The following KCNT2 variants were observed in gnomAD, a reference collection of about 807,000 sequenced individuals.
KCNT2 encodes potassium channel subfamily T member 2.
KCNT2 carries 67 observed loss-of-function variants against 153.8 expected under a neutral mutation model. That is an observed-to-expected ratio of 0.44 (90% CI 0.36 to 0.53). KCNT2 has a LOEUF of 0.53. Ranked by LOEUF, KCNT2 falls within the 20% of genes least tolerant of loss-of-function variation. The pLI is 0.00. For synonymous variants in KCNT2, 500 were observed against 458.8 expected (o/e 1.09, Z -1.15); for missense variants, 975 against 1,354.8 (o/e 0.72, Z 4.40).
chr1:196,332,879 C>G (rs1344844269), intron 17 of KCNT2, among the ~76,000 whole-genome samples: 3 of 150,838 alleles, frequency 2.0e-5, no homozygotes, highest in African/African-American at 7.3e-5. Context: ...CCACCTCCTG[C>G]GTTCAAGTGA....
intron 20 of KCNT2, 152 bp downstream of exon 20, chr1:196,319,332 T>A (rs1663049416): frequency 2.3e-6 from 1 of 442,786 alleles, no homozygotes; most frequent in African/African-American, 2.0e-5. Flanking sequence ...ATACAAGATG[T>A]ATAACACGAG....
intron 1 of KCNT2, among the ~76,000 whole-genome samples, chr1:196,513,289 T>C (rs1681785617): frequency 6.6e-6 from 1 of 152,168 alleles, no homozygotes; most frequent in Non-Finnish European, 1.5e-5. Flanking sequence ...TACTCTGCAG[T>C]GGTTACTTCT....
chr1:196,228,068 T>G lies in KCNT2; in HGVS notation c.*156A>C. The G allele has an allele frequency of 1.8e-6, 1 of 551,992 alleles. No homozygotes were observed. Among genetic ancestry groups the G allele is most frequent in the Non-Finnish European group, 3.2e-6 (1 of 310,664 alleles). The allele number at this position is 551,992 out of a possible 1,614,324, so 34.2% of individuals were successfully genotyped here. On this transcript the variant is annotated 3_prime_UTR_variant, in exon 28 of 28. Coordinates refer to ENST00000294725, the MANE Select transcript of KCNT2 (RefSeq NM_198503.5). Reference sequence around the variant, plus strand: ...GGGAGAGTACCAGTAAGTAGTACATTAAGTTTCAAAATGATCTATACTTCT... The same window carrying G: ...GGGAGAGTACCAGTAAGTAGTACATGAAGTTTCAAAATGATCTATACTTCT...
intron 1 of KCNT2, among the ~76,000 whole-genome samples, chr1:196,554,380 T>C (rs994977853): frequency 1.3e-5 from 2 of 151,286 alleles, no homozygotes; most frequent in Middle Eastern, 3.2e-3. Flanking sequence ...TGATCAACTA[T>C]ATGTCAACAA....
intron 14 of KCNT2, among the ~76,000 whole-genome samples, chr1:196,362,125 T>C (rs1050933553): frequency 2.6e-5 from 4 of 152,100 alleles, no homozygotes. Flanking sequence ...TTTTGTTTGT[T>C]TGTTCTTGCT....
intron 8 of KCNT2, among the ~76,000 whole-genome samples, chr1:196,455,434 A>G (rs571155070): frequency 2.6e-5 from 4 of 152,044 alleles, no homozygotes; most frequent in African/African-American, 9.6e-5. Context: ...GGAGTGAAGT[A>G]ATTTTAGCAC....
chr1:196,309,717 A>G (rs73065815), intron 21 of KCNT2, among the ~76,000 whole-genome samples: 1,973 of 151,978 alleles, frequency 0.013, 43 homozygotes, highest in African/African-American at 0.046. Flanking sequence ...TGTCTAATAG[A>G]TTTATTTAGT....
At chr1:196,341,275 C>A (rs922711908) in intron 15 of KCNT2, among the ~76,000 whole-genome samples, 1 of 151,880 alleles carries the variant, frequency 6.6e-6, no homozygotes, top group Non-Finnish European at 1.5e-5. Context: ...TCATCTAATA[C>A]CAAGCCTGTT....
intron 25 of KCNT2, among the ~76,000 whole-genome samples, chr1:196,271,635 T>G (rs139819135): frequency 0.014 from 2,053 of 151,858 alleles, 23 homozygotes; most frequent in Admixed American, 0.021. Context: ...TAGGAAAAAA[T>G]TATAAAATAA....
intron 22 of KCNT2, among the ~76,000 whole-genome samples, chr1:196,288,470 T>C (rs986390166): frequency 6.6e-6 from 1 of 152,062 alleles, no homozygotes; most frequent in African/African-American, 2.4e-5. Flanking sequence ...AGTGATACGA[T>C]TATGTTTTTA....
chr1:196,583,713 GA>G lies in KCNT2; in HGVS notation c.95+24501del, dbSNP rs199943738. On this transcript the variant is annotated intron_variant, in intron 1 of 27. Transcript: ENST00000294725. ...GTTTCAAGAAAGAGGAGGAGAATCA[GA>G]AAAAAAAAATTGTTCATTGGACCTG... 6.1e-5 allele frequency among the ~76,000 whole-genome samples: 9 copies of G among 147,024 alleles called. No homozygotes were observed. In the South Asian group the frequency reaches 8.6e-4, roughly 14 times the overall value.
At chr1:196,465,139 C>T (rs1226438979) in intron 8 of KCNT2, among the ~76,000 whole-genome samples, 154 bp downstream of exon 8, 1 of 151,780 alleles carries the variant, frequency 6.6e-6, no homozygotes, top group South Asian at 2.1e-4. Flanking sequence ...AAGAGTGTTA[C>T]TTTTTCTTCT....
intron 1 of KCNT2, among the ~76,000 whole-genome samples, chr1:196,523,659 A>G (rs753318625): frequency 2.6e-5 from 4 of 152,178 alleles, no homozygotes; most frequent in African/African-American, 4.8e-5. Flanking sequence ...AAAAACTTCT[A>G]TTGGGTCTCA....
At chr1:196,546,902 T>C (rs541674243) in intron 1 of KCNT2, among the ~76,000 whole-genome samples, 1 of 152,026 alleles carries the variant, frequency 6.6e-6, no homozygotes, top group East Asian at 1.9e-4. Flanking sequence ...GGTACTAAAC[T>C]GCATAGAAAA....
chr1:196,550,723 C>T (rs188334586), intron 1 of KCNT2, among the ~76,000 whole-genome samples: 161 of 151,890 alleles, frequency 1.1e-3, no homozygotes, highest in Middle Eastern at 6.8e-3. Context: ...CTTCTGTTCC[C>T]TTTCTGCTCA....
At chr1:196,445,149 T>C (rs1675576835) in intron 8 of KCNT2, among the ~76,000 whole-genome samples, 4 of 151,394 alleles carry the variant, frequency 2.6e-5, no homozygotes, top group African/African-American at 9.7e-5. Flanking sequence ...TGTTTAAAGA[T>C]ATGTTCACAG....
intron 22 of KCNT2, among the ~76,000 whole-genome samples, chr1:196,300,604 C>T (rs1444802193): frequency 6.6e-6 from 1 of 152,036 alleles, no homozygotes; most frequent in Non-Finnish European, 1.5e-5. Context: ...CTTGCTAAGT[C>T]ACCTCCCTAA....
chr1:196,278,761 T>A (rs1658816136), intron 25 of KCNT2, among the ~76,000 whole-genome samples: 1 of 152,224 alleles, frequency 6.6e-6, no homozygotes, highest in Non-Finnish European at 1.5e-5. Context: ...GGCAACACTC[T>A]ACTGTATGAA....
At chr1:196,456,792 C>T (rs925500016) in intron 8 of KCNT2, among the ~76,000 whole-genome samples, 2 of 151,894 alleles carry the variant, frequency 1.3e-5, no homozygotes, top group African/African-American at 2.4e-5. Context: ...CTATACCAAG[C>T]ATTTAATAGA....
Sources: gnomAD v4.1 joint callset for allele counts (sites outside exome capture counted in the v4.1 genomes callset) on GRCh38, gnomAD v4.1.1 for gene constraint, MANE v1.5 for transcripts, NCBI Gene and HGNC (gene_info 2026-07-23, HGNC 2026-07-21) for gene names.